GRAMD1C: variants seen among roughly 807,000 people sequenced by gnomAD.
The protein encoded by GRAMD1C is protein Aster-C.
A neutral mutation model predicts 97.8 loss-of-function variants in GRAMD1C; 89 were observed. That is an observed-to-expected ratio of 0.91 (90% CI 0.77 to 1.09). The LOEUF (loss-of-function observed/expected upper bound fraction) is 1.09, where lower values mean the gene tolerates loss of function less well. Ranked by LOEUF, GRAMD1C falls within the 50% of genes least tolerant of loss-of-function variation. The pLI is 0.00. For synonymous variants in GRAMD1C, 256 were observed against 267.0 expected, an observed-to-expected ratio of 0.96 and a Z score of 0.40; for missense variants, 740 against 766.4, an observed-to-expected ratio of 0.97 and a Z score of 0.41.
intron 10 of GRAMD1C, chr3:113,919,384 C>G: frequency 2.0e-6 from 1 of 504,652 alleles, no homozygotes; most frequent in Non-Finnish European, 4.0e-6. Flanking sequence ...TAAATGTAGC[C>G]TTTAAGCAAC....
rs114395042 is a variant in GRAMD1C at position 113,922,003 on chromosome 3, G to T, written c.1090+6165G>T. Among the ~76,000 whole-genome samples, 557 of 151,976 alleles carry T rather than the reference G, an allele frequency of 3.7e-3. 2 individuals carry two copies. The highest frequency in any genetic ancestry group is 0.013 in the African/African-American group (539 of 41,466). ...TGTCAATTTTATTGTTATTGCAGTTGCTTTTGGTGTCTTCATCATGAAATC... is the reference window on the plus strand; with the variant it reads ...TGTCAATTTTATTGTTATTGCAGTTTCTTTTGGTGTCTTCATCATGAAATC... On this transcript the variant is annotated intron_variant, in intron 10 of 17. Transcript: ENST00000358160.
intron 6 of GRAMD1C, chr3:113,890,677 C>A: frequency 1.5e-6 from 1 of 680,266 alleles, no homozygotes; most frequent in Non-Finnish European, 2.7e-6. Flanking sequence ...TCTAGCAAGG[C>A]ACCAGCGACA....
intron 1 of GRAMD1C, among the ~76,000 whole-genome samples, chr3:113,832,946 C>T (rs1183473389): frequency 6.6e-6 from 1 of 151,984 alleles, no homozygotes; most frequent in Non-Finnish European, 1.5e-5. Context: ...TGAGCATGTT[C>T]CCAGCTTTGG....
chr3:113,913,985 A>G (rs1367216872), intron 9 of GRAMD1C, among the ~76,000 whole-genome samples: 1 of 152,206 alleles, frequency 6.6e-6, no homozygotes, highest in Non-Finnish European at 1.5e-5. Flanking sequence ...TAGTATATTG[A>G]TCTACTATAG....
intron 1 of GRAMD1C, among the ~76,000 whole-genome samples, chr3:113,829,986 G>T (rs1283192811): frequency 6.6e-6 from 1 of 152,140 alleles, no homozygotes; most frequent in Non-Finnish European, 1.5e-5. Context: ...TCTCTCTGCT[G>T]CAGAGAGAGG....
rs572831961 is a variant in GRAMD1C, at chr3:113,881,204, G to A, written c.460-1548G>A. Among the ~76,000 whole-genome samples the A allele has an allele frequency of 7.9e-5, 12 of 152,162 alleles. No homozygotes were observed. In the East Asian group the frequency reaches 1.7e-3, roughly 22 times the overall value. The stretch of plus-strand genomic sequence containing the variant: ...GAGTCTCACTCTGTCGCCCAGGCTG[G>A]AATGCAGTGGCGCGATCCTAGCTCG... On this transcript the variant is annotated intron_variant, in intron 5 of 17. Coordinates refer to ENST00000358160, the MANE Select transcript of GRAMD1C (RefSeq NM_017577.5).
chr3:113,875,342 T>C (rs865988047), intron 3 of GRAMD1C, 142 bp from the exon 4 acceptor site: 2 of 564,122 alleles, frequency 3.5e-6, no homozygotes, highest in Middle Eastern at 3.8e-4. Flanking sequence ...ATCTGACATA[T>C]GGTGTCCAAA....
chr3:113,941,097 T>C (rs1222920137), intron 17 of GRAMD1C, among the ~76,000 whole-genome samples: 4 of 152,218 alleles, frequency 2.6e-5, no homozygotes. Flanking sequence ...TTAGTTTACT[T>C]CCTCCTTTTA....
At chr3:113,933,780 G>C in intron 12 of GRAMD1C, 127 bp downstream of exon 12, 1 of 683,682 alleles carries the variant, frequency 1.5e-6, no homozygotes, top group Non-Finnish European at 2.4e-6. Flanking sequence ...TTTCCAACAG[G>C]GGTGAGCAGA....
chr3:113,829,512 A>G (rs1200250295), intron 1 of GRAMD1C, among the ~76,000 whole-genome samples: 1 of 133,656 alleles, frequency 7.5e-6, no homozygotes, highest in African/African-American at 3.7e-5. Context: ...GTGCAACTAC[A>G]AAAAAAAAAT....
chr3:113,873,384 A>AT (rs1934910379), intron 3 of GRAMD1C, among the ~76,000 whole-genome samples: 1 of 152,210 alleles, frequency 6.6e-6, no homozygotes, highest in Non-Finnish European at 1.5e-5. Context: ...ATGTAAAATA[A>AT]TACAGTGGTT....
At chr3:113,851,763 C>T (rs1933917168) in intron 2 of GRAMD1C, among the ~76,000 whole-genome samples, 1 of 152,162 alleles carries the variant, frequency 6.6e-6, no homozygotes, top group African/African-American at 2.4e-5. Flanking sequence ...GGTGATCCAT[C>T]CACCTCAGCC....
At position 113,945,234 on chromosome 3, in the gene GRAMD1C, A is replaced by C. The variant is rs115029464; in HGVS notation, c.1909-164A>C. On this transcript the variant is annotated intron_variant, in intron 17 of 17. Transcript: ENST00000358160. ...AGAACTCTGTAGCAATCATACTGAT[A>C]GATACCCCAAAGAATCAGGTATTTT... Among the ~76,000 whole-genome samples the C allele has an allele frequency of 6.0e-3, 918 of 152,354 alleles. 10 individuals are homozygous for C. Among genetic ancestry groups the C allele is most frequent in the African/African-American group, 0.02 (847 of 41,578 alleles).
chr3:113,919,470 A>T (rs1936956685), intron 10 of GRAMD1C: 2 of 520,310 alleles, frequency 3.8e-6, no homozygotes, highest in Admixed American at 4.3e-5. Flanking sequence ...GACAAGAGTA[A>T]TGCTCATGAA....
chr3:113,831,257 ATCTTTAGTGT>A (rs1227000029), intron 1 of GRAMD1C, among the ~76,000 whole-genome samples: 1 of 152,190 alleles, frequency 6.6e-6, no homozygotes, highest in East Asian at 1.9e-4. Context: ...GTTGCTATAT[ATCTTTAGTGT>A]TCTTTAGTAT....
chr3:113,918,257 G>A (rs563898723), intron 10 of GRAMD1C, among the ~76,000 whole-genome samples: 89 of 151,862 alleles, frequency 5.9e-4, no homozygotes, highest in African/African-American at 2.0e-3. Flanking sequence ...ATATTTTTTC[G>A]GAATCTATTT....
chr3:113,854,498 C>T (rs1412896988), intron 2 of GRAMD1C, among the ~76,000 whole-genome samples: 2 of 152,092 alleles, frequency 1.3e-5, no homozygotes, highest in Non-Finnish European at 2.9e-5. Flanking sequence ...TGATCTACTG[C>T]GTTAGGTTGA....
intron 6 of GRAMD1C, among the ~76,000 whole-genome samples, chr3:113,888,194 C>G (rs1935586526): frequency 6.6e-6 from 1 of 152,170 alleles, no homozygotes; most frequent in Admixed American, 6.5e-5. Context: ...ACCAGTATCC[C>G]TTATGAACAA....
intron 6 of GRAMD1C, among the ~76,000 whole-genome samples, chr3:113,894,625 C>T (rs1935863716): frequency 6.6e-6 from 1 of 152,090 alleles, no homozygotes; most frequent in Non-Finnish European, 1.5e-5. Flanking sequence ...CTCTTGCCAG[C>T]ACATGGGGGC....
Sources: gnomAD v4.1 joint callset for allele counts (sites outside exome capture counted in the v4.1 genomes callset) on GRCh38, gnomAD v4.1.1 for gene constraint, MANE v1.5 for transcripts, NCBI Gene and HGNC (gene_info 2026-07-23, HGNC 2026-07-21) for gene names.